The following CA10 variants were observed in gnomAD, a reference collection of about 807,000 sequenced individuals.
CA10 encodes carbonic anhydrase-related protein 10.
In CA10, 14 loss-of-function variants were observed where a neutral mutation model predicts 44.2. The ratio of observed to expected loss-of-function variants is 0.32; its 90% CI spans 0.21 to 0.50. CA10 has a LOEUF of 0.50. CA10 is among the 20% of genes least tolerant of loss of function. CA10 has a pLI of 0.99. For missense variants in CA10, 350 were observed against 409.7 expected (o/e 0.85, Z 1.26); for synonymous variants, 159 against 141.6 (o/e 1.12, Z -0.87).
intron 3 of CA10, among the ~76,000 whole-genome samples, chr17:51,926,266 A>C (rs8068740): frequency 0.15 from 22,639 of 152,114 alleles, 1,909 homozygotes; most frequent in South Asian, 0.3. Context: ...TCACAAATCT[A>C]AGCTGCTATG....
At chr17:51,964,328 C>T (rs1229783868) in intron 2 of CA10, among the ~76,000 whole-genome samples, 1 of 151,996 alleles carries the variant, frequency 6.6e-6, no homozygotes, top group African/African-American at 2.4e-5. Context: ...GACTTCAGTA[C>T]CCCAATGACA....
At chr17:52,140,933 G>A (rs1989465006) in intron 1 of CA10, among the ~76,000 whole-genome samples, 1 of 152,184 alleles carries the variant, frequency 6.6e-6, no homozygotes, top group Non-Finnish European at 1.5e-5. Flanking sequence ...CCTGGGTTAT[G>A]AGTCTGGCCT....
rs530319209 is a variant in CA10 at position 52,084,638 on chromosome 17, C to T, written c.62-12245G>A. ...CTGGATTTTTTATTCCAGTTCCATGCAAGCTTTTCAGCAGCCTACTAATTA... is the reference window on the plus strand; with the variant it reads ...CTGGATTTTTTATTCCAGTTCCATGTAAGCTTTTCAGCAGCCTACTAATTA... On this transcript the variant is annotated intron_variant, in intron 1 of 8. Coordinates refer to ENST00000451037, the MANE Select transcript of CA10 (RefSeq NM_020178.5). 7.2e-5 allele frequency among the ~76,000 whole-genome samples: 11 copies of T among 152,032 alleles called. No homozygotes were observed. The South Asian group carries it at 1.9e-3, about 26-fold the overall frequency.
At chr17:52,117,319 A>T (rs929375017) in intron 1 of CA10, among the ~76,000 whole-genome samples, 1 of 152,178 alleles carries the variant, frequency 6.6e-6, no homozygotes, top group African/African-American at 2.4e-5. Context: ...GAAGCCCAGG[A>T]ATTAGAAGCG....
At chr17:52,054,799 A>T (rs1315103080) in intron 2 of CA10, among the ~76,000 whole-genome samples, 1 of 152,080 alleles carries the variant, frequency 6.6e-6, no homozygotes, top group Admixed American at 6.6e-5. Context: ...AAATGGAAAG[A>T]AAAAAAGGCA....
rs1282886648 is a variant in CA10 at position 51,631,000 on chromosome 17, A to ACAGAAGAATCATAATCTAGAAAT, written c.*561_*583dup. 1 of 153,324 alleles carries ACAGAAGAATCATAATCTAGAAAT rather than the reference A, an allele frequency of 6.5e-6. No homozygotes were observed. The highest frequency in any genetic ancestry group is 2.4e-5 in the African/African-American group (1 of 41,444). 9.5% of individuals were successfully genotyped at this position (153,324 alleles called of 1,614,324 possible). On this transcript the variant is annotated 3_prime_UTR_variant, in exon 9 of 9. Transcript: ENST00000451037. Reference sequence around the variant, plus strand: ...TTTTTCTTTGTAAATTGTTGAGTAAACAGAAGAATCATAATCTAGAAATAA... The same window carrying ACAGAAGAATCATAATCTAGAAAT: ...TTTTTCTTTGTAAATTGTTGAGTAAACAGAAGAATCATAATCTAGAAATCAGAAGAATCATAATCTAGAAATAA...
At chr17:51,798,271 G>A (rs140648982) in intron 3 of CA10, among the ~76,000 whole-genome samples, 1 of 152,172 alleles carries the variant, frequency 6.6e-6, no homozygotes, top group African/African-American at 2.4e-5. Flanking sequence ...ATTTAGGTGG[G>A]CACCTCAAGG....
intron 3 of CA10, among the ~76,000 whole-genome samples, chr17:51,827,472 C>T (rs1425579423): frequency 6.6e-6 from 1 of 152,092 alleles, no homozygotes; most frequent in African/African-American, 2.4e-5. Context: ...AATATGATAA[C>T]ATGTAGACAT....
chr17:51,812,510 C>T (rs1349427161), intron 3 of CA10, among the ~76,000 whole-genome samples: 2 of 152,316 alleles, frequency 1.3e-5, no homozygotes. Flanking sequence ...GATTGGTAAA[C>T]ATTTACTAGC....
intron 2 of CA10, among the ~76,000 whole-genome samples, chr17:52,066,278 G>A (rs1237349276): frequency 6.6e-6 from 1 of 152,178 alleles, no homozygotes; most frequent in Non-Finnish European, 1.5e-5. Flanking sequence ...AAAGATGTGG[G>A]AACTTCCTAG....
At chr17:51,689,868 G>A (rs1275574902) in intron 4 of CA10, among the ~76,000 whole-genome samples, 1 of 152,036 alleles carries the variant, frequency 6.6e-6, no homozygotes, top group Non-Finnish European at 1.5e-5. Flanking sequence ...TATACATTGT[G>A]GATTGACTAA....
intron 4 of CA10, among the ~76,000 whole-genome samples, chr17:51,720,656 G>A (rs2143528856): frequency 6.6e-6 from 1 of 152,286 alleles, no homozygotes; most frequent in African/African-American, 2.4e-5. Flanking sequence ...ACTGAAATAA[G>A]CCAGGCACAG....
At chr17:52,028,829 T>C (rs1176830428) in intron 2 of CA10, among the ~76,000 whole-genome samples, 9 of 152,222 alleles carry the variant, frequency 5.9e-5, no homozygotes, top group Non-Finnish European at 5.9e-5. Context: ...ACAAAGCTTC[T>C]GCTGTGACGA....
At position 51,635,865 on chromosome 17, in the gene CA10, G is replaced by A. The variant is rs781699188; in HGVS notation, c.779C>T (p.Thr260Ile). 1.2e-4 allele frequency: 197 copies of A among 1,586,580 alleles called. No individual in the cohort carries two copies. Among genetic ancestry groups the A allele is most frequent in the Non-Finnish European group, 1.6e-4 (190 of 1,165,318 alleles). ...CAGAGAGAAACTCACCTGCATCCTGGTTATATAGACAGGTTTGTTCATTAT... is the reference window on the plus strand; with the variant it reads ...CAGAGAGAAACTCACCTGCATCCTGATTATATAGACAGGTTTGTTCATTAT... ...WIIMNKPVYI[T>I]RMQMHSLRLL... Residue 260 changes from threonine (T) to isoleucine (I), a missense_variant, in exon 7 of 9, where the codon ACC becomes ATC. Thr to Ile is a moderately conservative substitution (Grantham distance 89). Transcript: ENST00000451037.
At chr17:52,150,256 C>T (rs1014430083) in intron 1 of CA10, among the ~76,000 whole-genome samples, 2 of 152,152 alleles carry the variant, frequency 1.3e-5, no homozygotes, top group Admixed American at 6.6e-5. Context: ...CCTCTATTAA[C>T]GCTACTTACT....
intron 2 of CA10, among the ~76,000 whole-genome samples, chr17:52,064,635 G>A (rs1423182053): frequency 1.3e-5 from 2 of 151,854 alleles, no homozygotes; most frequent in African/African-American, 4.8e-5. Context: ...AGGTGGTTGG[G>A]TATAATTACC....
chr17:51,714,019 G>C (rs547878771), intron 4 of CA10, among the ~76,000 whole-genome samples: 1 of 152,232 alleles, frequency 6.6e-6, no homozygotes, highest in Non-Finnish European at 1.5e-5. Flanking sequence ...TATAGTCAAA[G>C]AACACTGAGT....
intron 3 of CA10, among the ~76,000 whole-genome samples, chr17:51,926,216 T>C (rs144759953): frequency 1.6e-4 from 24 of 152,206 alleles, no homozygotes; most frequent in African/African-American, 5.5e-4. Context: ...CCCCACAGCA[T>C]TGGACTGGAA....
chr17:51,723,569 T>G (rs187236604), intron 4 of CA10, among the ~76,000 whole-genome samples: 1 of 126,688 alleles, frequency 7.9e-6, no homozygotes, highest in African/African-American at 2.6e-5. Context: ...GAAATAACAT[T>G]GTATAATATC....
Sources: allele counts gnomAD v4.1 joint callset (sites outside exome capture counted in the v4.1 genomes callset), GRCh38; gene constraint gnomAD v4.1.1; transcripts MANE v1.5; gene names NCBI Gene and HGNC (gene_info 2026-07-23, HGNC 2026-07-21).